FOXN3: variants seen among roughly 807,000 people sequenced by gnomAD.
FOXN3 encodes forkhead box N3, also known as forkhead box protein N3.
FOXN3 carries 7 observed loss-of-function variants against 38.4 expected under a neutral mutation model. The observed-to-expected ratio is 0.18, with a 90% CI of 0.10 to 0.34. FOXN3 has a LOEUF of 0.34. Among genes scored for constraint, FOXN3 ranks in the 10% least tolerant of loss-of-function variants. The pLI is 1.00. For missense variants in FOXN3, 456 were observed against 613.4 expected (o/e 0.74, Z 2.71); for synonymous variants, 230 against 242.2 (o/e 0.95, Z 0.47).
chr14:89,380,235 G>A (rs552158468), intron 2 of FOXN3, among the ~76,000 whole-genome samples: 1 of 152,170 alleles, frequency 6.6e-6, no homozygotes, highest in East Asian at 1.9e-4. Context: ...CCCTGCACAA[G>A]TTCTCTCTTT....
intron 4 of FOXN3, among the ~76,000 whole-genome samples, chr14:89,182,792 G>A (rs1168227514): frequency 5.9e-5 from 9 of 152,116 alleles, no homozygotes; most frequent in Admixed American, 3.3e-4. Context: ...TAGACCAATC[G>A]AACAGAAGAG....
At chr14:89,359,660 C>T (rs1889377663) in intron 2 of FOXN3, among the ~76,000 whole-genome samples, 2 of 152,200 alleles carry the variant, frequency 1.3e-5, no homozygotes, top group African/African-American at 2.4e-5. Context: ...TCTTCGTGCA[C>T]ACTGAGAGAT....
chr14:89,190,285 G>A lies in FOXN3; in HGVS notation c.746-9479C>T, dbSNP rs762248515. 98 of 876,242 alleles carry A rather than the reference G, an allele frequency of 1.1e-4. 1 individual carries two copies. The highest frequency in any genetic ancestry group is 1.7e-4 in the Non-Finnish European group (96 of 550,986). The allele number at this position is 876,242 out of a possible 1,614,324, so 54.3% of individuals were successfully genotyped here. ...CTTTTAAAGTGATTCTATAAGGGAA[G>A]TTCTACTTTAGCATTAGTTCTTCCT... On this transcript the variant is annotated intron_variant, in intron 4 of 5. Transcript: ENST00000557258.
At chr14:89,339,139 A>T (rs1292515384) in intron 3 of FOXN3, among the ~76,000 whole-genome samples, 1 of 152,130 alleles carries the variant, frequency 6.6e-6, no homozygotes, top group East Asian at 1.9e-4. Flanking sequence ...TACCCAGCTA[A>T]TTTTTGTTCT....
At chr14:89,187,308 G>C (rs1887833017) in intron 4 of FOXN3, among the ~76,000 whole-genome samples, 2 of 152,186 alleles carry the variant, frequency 1.3e-5, no homozygotes, top group African/African-American at 4.8e-5. Context: ...CCAGCCCACG[G>C]GGGAATACAG....
intron 3 of FOXN3, chr14:89,290,293 C>A: frequency 3.0e-6 from 1 of 333,446 alleles, no homozygotes; most frequent in South Asian, 2.6e-5. Context: ...TAAGTATATT[C>A]ATTTTGGATG....
intron 2 of FOXN3, among the ~76,000 whole-genome samples, chr14:89,400,769 G>A (rs1223160466): frequency 6.6e-6 from 1 of 152,152 alleles, no homozygotes; most frequent in Admixed American, 6.6e-5. Flanking sequence ...TTGCATAGCT[G>A]CATCCCTCTT....
At chr14:89,527,613 A>G (rs1167655292) in intron 1 of FOXN3, among the ~76,000 whole-genome samples, 3 of 152,250 alleles carry the variant, frequency 2.0e-5, no homozygotes, top group African/African-American at 7.2e-5. Context: ...AAATAAGAAC[A>G]TGAAAAGTTG....
At chr14:89,505,973 G>C (rs1893917003) in intron 1 of FOXN3, among the ~76,000 whole-genome samples, 1 of 150,366 alleles carries the variant, frequency 6.7e-6, no homozygotes. Flanking sequence ...CGCCCCGTCT[G>C]AGAAGTGAGG....
intron 1 of FOXN3, among the ~76,000 whole-genome samples, chr14:89,543,060 G>A (rs1242119891): frequency 6.6e-6 from 1 of 152,238 alleles, no homozygotes; most frequent in East Asian, 1.9e-4. Flanking sequence ...TTTGACTGAA[G>A]TGTAAGAGGA....
intron 1 of FOXN3, among the ~76,000 whole-genome samples, chr14:89,497,389 T>C (rs1335094522): frequency 2.0e-5 from 3 of 150,424 alleles, no homozygotes; most frequent in Non-Finnish European, 4.4e-5. Flanking sequence ...GCTATGAACA[T>C]GAATGTATAA....
At chr14:89,424,647 G>C (rs901073053) in intron 1 of FOXN3, among the ~76,000 whole-genome samples, 1 of 151,606 alleles carries the variant, frequency 6.6e-6, no homozygotes, top group Non-Finnish European at 1.5e-5. Flanking sequence ...GGAGGTCGAG[G>C]CTGGGGATTG....
chr14:89,438,275 A>G (rs532627592), intron 1 of FOXN3, among the ~76,000 whole-genome samples: 2 of 152,378 alleles, frequency 1.3e-5, no homozygotes, highest in African/African-American at 4.8e-5. Context: ...CAATGTGCTG[A>G]ATGAGCACCT....
intron 5 of FOXN3, among the ~76,000 whole-genome samples, chr14:89,174,303 C>T (rs1887463719): frequency 6.6e-6 from 1 of 152,108 alleles, no homozygotes; most frequent in African/African-American, 2.4e-5. Context: ...TAGAATTCTG[C>T]AATCTGGCAG....
chr14:89,222,227 A>G lies in FOXN3; in HGVS notation c.746-41421T>C, dbSNP rs1256634206. ...ATGTCACCTGAGAAGTACCCTGCCT[A>G]TGCCCACTGTGGGGCTGGGGAGCTC... is the stretch of plus-strand genomic sequence containing the variant. On this transcript the variant is annotated intron_variant, in intron 4 of 5. Transcript: ENST00000557258. 2.0e-5 allele frequency among the ~76,000 whole-genome samples: 3 copies of G among 152,196 alleles called. No homozygotes were observed. In the East Asian group the frequency reaches 5.8e-4, roughly 29 times the overall value.
intron 4 of FOXN3, among the ~76,000 whole-genome samples, chr14:89,200,353 C>T (rs1056273286): frequency 1.3e-5 from 2 of 152,192 alleles, no homozygotes; most frequent in African/African-American, 2.4e-5. Context: ...CCCCTCATTT[C>T]ACTTAATCAG....
chr14:89,469,691 G>A (rs1893050695), intron 1 of FOXN3, among the ~76,000 whole-genome samples: 1 of 152,186 alleles, frequency 6.6e-6, no homozygotes, highest in Non-Finnish European at 1.5e-5. Flanking sequence ...AGGAGCTGAT[G>A]GACTAGCTCT....
chr14:89,255,504 G>A (rs1382546298), intron 4 of FOXN3, among the ~76,000 whole-genome samples: 3 of 152,080 alleles, frequency 2.0e-5, no homozygotes, highest in Non-Finnish European at 4.4e-5. Flanking sequence ...AAAGTCCTAT[G>A]ACAAAAGTCT....
At chr14:89,566,439 A>ATT (rs34819530) in intron 1 of FOXN3, among the ~76,000 whole-genome samples, 1,695 of 151,552 alleles carry the variant, frequency 0.011, 28 homozygotes, top group African/African-American at 0.04. Context: ...GGAAGAAATA[A>ATT]TTTTTTTAAA....
Sources: allele counts gnomAD v4.1 joint callset (sites outside exome capture counted in the v4.1 genomes callset), GRCh38; gene constraint gnomAD v4.1.1; transcripts MANE v1.5; gene names NCBI Gene and HGNC (gene_info 2026-07-23, HGNC 2026-07-21).